Variants in EPM2A observed in about 807,000 individuals in gnomAD.
The protein encoded by EPM2A is EPM2A glucan phosphatase, laforin.
EPM2A carries 21 observed loss-of-function variants against 26.5 expected under a neutral mutation model. The ratio of observed to expected loss-of-function variants is 0.79; its 90% CI spans 0.56 to 1.14. The LOEUF (loss-of-function observed/expected upper bound fraction) is 1.14, where lower values mean the gene tolerates loss of function less well. Ranked by LOEUF, EPM2A falls within the 50% of genes most tolerant of loss-of-function variation. The pLI is 0.00. For missense variants in EPM2A, 458 were observed against 440.8 expected (o/e 1.04, Z -0.35); for synonymous variants, 217 against 177.6 (o/e 1.22, Z -1.76).
chr6:145,683,302 TGTGTG>T (rs1780678171), intron 2 of EPM2A, among the ~76,000 whole-genome samples: 1 of 149,040 alleles, frequency 6.7e-6, no homozygotes, highest in African/African-American at 2.5e-5. Context: ...TGTGTGTGTG[TGTGTG>T]AGTGTGTATA....
At chr6:145,388,768 G>T (rs919212278) in intron 4 of EPM2A, among the ~76,000 whole-genome samples, 10 of 152,100 alleles carry the variant, frequency 6.6e-5, no homozygotes, top group African/African-American at 1.9e-4. Context: ...GCAGTGTTTG[G>T]TTTTCTGTTC....
intron 2 of EPM2A, among the ~76,000 whole-genome samples, chr6:145,560,540 G>A (rs1374566398): frequency 6.6e-6 from 1 of 152,094 alleles, no homozygotes; most frequent in East Asian, 1.9e-4. Context: ...TGAAGGGCAG[G>A]ATTTGGACCA....
rs1297600863 is a variant in EPM2A, at chr6:145,538,293, G to T, written c.341-35718C>A. Reference sequence around the variant, plus strand: ...TTTACATGCTTTGAGTTCATGCACTGTGGGAACTTAATACATGTTTAGTAA... The same window carrying T: ...TTTACATGCTTTGAGTTCATGCACTTTGGGAACTTAATACATGTTTAGTAA... On this transcript the variant is annotated intron_variant, in intron 2 of 3. Coordinates refer to the EPM2A transcript ENST00000450221. Among the ~76,000 whole-genome samples, 5 of 151,908 alleles carry T rather than the reference G, an allele frequency of 3.3e-5. No homozygotes were observed. The South Asian group carries it at 8.3e-4, about 25-fold the overall frequency.
At chr6:145,614,351 T>C (rs1429620097) in intron 2 of EPM2A, among the ~76,000 whole-genome samples, 1 of 152,232 alleles carries the variant, frequency 6.6e-6, no homozygotes, top group East Asian at 1.9e-4. Flanking sequence ...ACTTTCTCCA[T>C]ATCAGTAATA....
At chr6:145,451,584 G>A (rs761875752) in intron 4 of EPM2A, among the ~76,000 whole-genome samples, 2 of 152,156 alleles carry the variant, frequency 1.3e-5, no homozygotes, top group African/African-American at 4.8e-5. Context: ...GCAAGAGACC[G>A]AATTTAGAAA....
intron 1 of EPM2A, among the ~76,000 whole-genome samples, chr6:145,726,419 CA>C: frequency 6.6e-6 from 1 of 152,136 alleles, no homozygotes; most frequent in Admixed American, 6.5e-5. Context: ...GCAGGCAGAA[CA>C]TAACTTCTCA....
intron 2 of EPM2A, among the ~76,000 whole-genome samples, chr6:145,533,052 C>T (rs440477): frequency 0.36 from 54,226 of 151,998 alleles, 10,182 homozygotes; most frequent in South Asian, 0.51. Context: ...GTCTAACAGG[C>T]TTCCCAAACT....
chr6:145,490,012 T>TTCCACAGTCACTTGTGCTGAA, intron 4 of EPM2A: 2 of 1,351,698 alleles, frequency 1.5e-6, no homozygotes, highest in Middle Eastern at 1.9e-4. Context: ...GATGGACGTG[T>TTCCACAGTCACTTGTGCTGAA]TCCACAGTCA....
chr6:145,582,592 C>T (rs1437149221), intron 2 of EPM2A, among the ~76,000 whole-genome samples: 1 of 152,192 alleles, frequency 6.6e-6, no homozygotes, highest in Non-Finnish European at 1.5e-5. Context: ...AATATATTTT[C>T]TTTCATATTG....
chr6:145,555,166 G>T (rs1011543904), intron 2 of EPM2A, among the ~76,000 whole-genome samples: 1 of 152,034 alleles, frequency 6.6e-6, no homozygotes, highest in East Asian at 1.9e-4. Flanking sequence ...AAATGGGATC[G>T]TTCTATTAGT....
intron 2 of EPM2A, among the ~76,000 whole-genome samples, chr6:145,514,687 AT>A (rs1780101233): frequency 6.6e-6 from 1 of 152,108 alleles, no homozygotes; most frequent in African/African-American, 2.4e-5. Flanking sequence ...TTCTTGAGAC[AT>A]TTTTCATTCT....
rs796052430 is a variant in EPM2A, at chr6:145,686,152, A to G, written c.446T>C (p.Ile149Thr). The stretch of plus-strand genomic sequence containing the variant: ...ATAATGCATGGCTTGGTGGCCTGCA[A>G]TATTAAAATAGAAGTCTGTTGTGTG... ...MKHTTDFYFN[I>T]AGHQAMHYSR... Residue 149 changes from isoleucine to threonine, a missense_variant, in exon 2 of 4, where the codon ATT becomes ACT. Physicochemically the swap from Ile to Thr is moderately conservative, Grantham distance 89. Coordinates refer to ENST00000367519, the MANE Select transcript of EPM2A (RefSeq NM_005670.4). 7 of 1,613,846 alleles carry G rather than the reference A, an allele frequency of 4.3e-6. No homozygotes were observed. In the Admixed American group the frequency reaches 6.7e-5, roughly 15 times the overall value.
In EPM2A at chr6:145,735,364, G is replaced by T; in HGVS notation, c.135C>A (p.Thr45=). 2 of 1,265,462 alleles carry T rather than the reference G, an allele frequency of 1.6e-6. No homozygotes were observed. Among genetic ancestry groups the T allele is most frequent in the South Asian group, 5.0e-5 (2 of 40,356 alleles). The allele number at this position is 1,265,462 out of a possible 1,614,324, so 78.4% of individuals were successfully genotyped here. A position where few individuals can be genotyped will look rare whatever the true frequency, so the allele number is the denominator to read the frequency against. ...GGGCCAGGGCCCCGTCGCCCGCCGC[G>T]GTGCCGGCCGGCCTCAGGCGGACGG... ...RGAVRLRPAG[T]AAGDGALALQ... The change falls in exon 1 of 4, where the codon ACC becomes ACA. Residue 45 remains threonine, a synonymous_variant. Coordinates refer to ENST00000367519, the MANE Select transcript of EPM2A (RefSeq NM_005670.4).
At chr6:145,519,924 A>G (rs1447440029) in intron 2 of EPM2A, among the ~76,000 whole-genome samples, 1 of 152,226 alleles carries the variant, frequency 6.6e-6, no homozygotes, top group Non-Finnish European at 1.5e-5. Flanking sequence ...GAGGATCACA[A>G]AACTATCCCA....
chr6:145,711,496 A>G (rs1443509507), intron 1 of EPM2A, among the ~76,000 whole-genome samples: 1 of 152,186 alleles, frequency 6.6e-6, no homozygotes, highest in African/African-American at 2.4e-5. Flanking sequence ...CTTGTAGACA[A>G]GAGGATATAC....
intron 2 of EPM2A, among the ~76,000 whole-genome samples, chr6:145,681,102 T>C (rs937364879): frequency 1.3e-5 from 2 of 152,250 alleles, no homozygotes; most frequent in African/African-American, 4.8e-5. Context: ...TGTGAGATGG[T>C]ATCTAATTGT....
chr6:145,716,924 T>C (rs947501569), intron 1 of EPM2A, among the ~76,000 whole-genome samples: 1 of 152,114 alleles, frequency 6.6e-6, no homozygotes, highest in African/African-American at 2.4e-5. Flanking sequence ...CAAAAATAAA[T>C]GAGAAAAGAT....
intron 4 of EPM2A, among the ~76,000 whole-genome samples, chr6:145,407,349 G>A (rs1434304580): frequency 6.6e-6 from 1 of 152,016 alleles, no homozygotes; most frequent in Non-Finnish European, 1.5e-5. Context: ...ATGAGCTCTG[G>A]ACCTACAACT....
chr6:145,514,455 CAA>C (rs1780097656), intron 2 of EPM2A, among the ~76,000 whole-genome samples: 1 of 152,012 alleles, frequency 6.6e-6, no homozygotes, highest in South Asian at 2.1e-4. Context: ...AAAAAACAAA[CAA>C]AATGCATCAA....
Sources: allele counts gnomAD v4.1 joint callset (sites outside exome capture counted in the v4.1 genomes callset), GRCh38; gene constraint gnomAD v4.1.1; transcripts MANE v1.5; gene names NCBI Gene and HGNC (gene_info 2026-07-23, HGNC 2026-07-21).